Variants in SPMIP6 observed in about 807,000 individuals in gnomAD.
The protein encoded by SPMIP6 is ciliated bronchial epithelial protein 1.
At chr9:34,379,601 C>G in the SPMIP6 span, 1 of 1,553,072 alleles carries the variant, frequency 6.4e-7, no homozygotes, top group East Asian at 2.2e-5. The surrounding 1 kb of genome is among the most constrained non-coding windows in gnomAD (Gnocchi z 4.2). Flanking sequence ...CCTCACCAAG[C>G]CTTCAGGGTG....
the SPMIP6 span, among the ~76,000 whole-genome samples, chr9:34,391,806 T>C: frequency 1.3e-5 from 2 of 152,188 alleles, no homozygotes; most frequent in South Asian, 4.1e-4. Context: ...ATCATGTTCC[T>C]TGTATGTTTA....
chr9:34,393,462 T>C, the SPMIP6 span, among the ~76,000 whole-genome samples: 1 of 152,326 alleles, frequency 6.6e-6, no homozygotes, highest in East Asian at 1.9e-4. Flanking sequence ...GTAAATGTCT[T>C]ATCTTTCCTT....
chr9:34,387,492 A>C, the SPMIP6 span, among the ~76,000 whole-genome samples: 1 of 152,058 alleles, frequency 6.6e-6, no homozygotes. Context: ...CCCGTGACTC[A>C]GCATTTCTCC....
chr9:34,391,454 C>T, the SPMIP6 span, among the ~76,000 whole-genome samples: 1 of 152,100 alleles, frequency 6.6e-6, no homozygotes, highest in African/African-American at 2.4e-5. Context: ...TTCTTTTCCC[C>T]ATAAGTTGTT....
the SPMIP6 span, among the ~76,000 whole-genome samples, chr9:34,393,645 C>T: frequency 6.6e-6 from 1 of 151,916 alleles, no homozygotes; most frequent in Non-Finnish European, 1.5e-5. Context: ...AAATTCTGAG[C>T]CTTTTTCTTT....
At chr9:34,393,788 G>A in the SPMIP6 span, among the ~76,000 whole-genome samples, 3 of 151,718 alleles carry the variant, frequency 2.0e-5, no homozygotes, top group East Asian at 1.9e-4. Context: ...TCTGTGCTGC[G>A]TTCTGGGAAA....
the SPMIP6 span, among the ~76,000 whole-genome samples, chr9:34,387,130 T>G: frequency 6.6e-6 from 1 of 151,744 alleles, no homozygotes; most frequent in Non-Finnish European, 1.5e-5. Flanking sequence ...CAGGCTCAAG[T>G]GATCCTCCCG....
At chr9:34,382,751 T>A in the SPMIP6 span, 3 of 1,608,898 alleles carry the variant, frequency 1.9e-6, no homozygotes, top group Non-Finnish European at 2.6e-6. Flanking sequence ...GTGCAACAGA[T>A]ACCTTAGGCA....
At chr9:34,384,406 G>A in the SPMIP6 span, among the ~76,000 whole-genome samples, 1 of 152,200 alleles carries the variant, frequency 6.6e-6, no homozygotes, top group Admixed American at 6.5e-5. Context: ...AGCTGAGGAG[G>A]AAGTTGTTTC....
the SPMIP6 span, chr9:34,380,545 G>T: frequency 8.3e-7 from 1 of 1,208,784 alleles, no homozygotes; most frequent in Non-Finnish European, 1.1e-6. Context: ...AAGGGGGCAG[G>T]GCCAAGGAGA....
the SPMIP6 span, among the ~76,000 whole-genome samples, chr9:34,387,578 A>G: frequency 1.3e-5 from 2 of 152,158 alleles, no homozygotes; most frequent in East Asian, 1.9e-4. Flanking sequence ...ATATTCATAC[A>G]TACACACTCA....
chr9:34,382,578 C>CTT, the SPMIP6 span: 2 of 566,874 alleles, frequency 3.5e-6, no homozygotes, highest in Non-Finnish European at 6.3e-6. Context: ...GAGTGAGACT[C>CTT]TATCTAAAAA....
At chr9:34,387,841 A>G in the SPMIP6 span, among the ~76,000 whole-genome samples, 10 of 152,166 alleles carry the variant, frequency 6.6e-5, no homozygotes, top group African/African-American at 1.9e-4. Flanking sequence ...TCTAATGTCA[A>G]TATCTGTAGG....
the SPMIP6 span, chr9:34,381,127 G>A: frequency 6.7e-5 from 107 of 1,586,484 alleles, no homozygotes; most frequent in African/African-American, 7.2e-4. This position sits in a 1 kb window ranked among gnomAD's most constrained non-coding sequence, Gnocchi z 4.4. Flanking sequence ...CCATCACTTC[G>A]CGCTCTGCTC....
At chr9:34,396,965 C>A in the SPMIP6 span, among the ~76,000 whole-genome samples, 1 of 152,272 alleles carries the variant, frequency 6.6e-6, no homozygotes, top group South Asian at 2.1e-4. Flanking sequence ...TCCCACCTGG[C>A]CACCAATCTT....
At chr9:34,389,094 G>T in the SPMIP6 span, among the ~76,000 whole-genome samples, 1 of 151,912 alleles carries the variant, frequency 6.6e-6, no homozygotes, top group African/African-American at 2.4e-5. Context: ...ACCACACCCA[G>T]CTGATTTTTT....
the SPMIP6 span, among the ~76,000 whole-genome samples, chr9:34,389,507 G>A: frequency 6.6e-6 from 1 of 152,076 alleles, no homozygotes; most frequent in Non-Finnish European, 1.5e-5. Context: ...ATTTTAATTA[G>A]TAACTGGGAC....
chr9:34,393,664 T>C, the SPMIP6 span, among the ~76,000 whole-genome samples: 1 of 152,178 alleles, frequency 6.6e-6, no homozygotes, highest in Admixed American at 6.5e-5. Context: ...TTTTAAATAA[T>C]AACTGTTCTT....
chr9:34,381,468 T>C, the SPMIP6 span: 1 of 1,613,928 alleles, frequency 6.2e-7, no homozygotes, highest in Non-Finnish European at 8.5e-7. This position sits in a 1 kb window ranked among gnomAD's most constrained non-coding sequence, Gnocchi z 4.4. Flanking sequence ...ACATGCTACC[T>C]CAAGCTCTGA....
Sources: gnomAD v4.1 joint callset for allele counts (sites outside exome capture counted in the v4.1 genomes callset) on GRCh38, gnomAD v4.1.1 for gene constraint, Gnocchi (gnomAD v3.1) non-coding constraint, MANE v1.5 for transcripts, NCBI Gene and HGNC (gene_info 2026-07-23, HGNC 2026-07-21) for gene names.